Variants in ENTREP2 observed in about 807,000 individuals in gnomAD.
ENTREP2 encodes endosomal transmembrane epsin interactor 2, also known as protein ENTREP2.
At chr15:29,671,559 T>A in the ENTREP2 span, among the ~76,000 whole-genome samples, 20 of 152,108 alleles carry the variant, frequency 1.3e-4, no homozygotes, top group Non-Finnish European at 2.6e-4. Context: ...CGGGAAAAAA[T>A]CCCACATTTG....
the ENTREP2 span, among the ~76,000 whole-genome samples, chr15:29,430,832 C>T: frequency 2.0e-5 from 3 of 152,102 alleles, no homozygotes; most frequent in Admixed American, 6.5e-5. Context: ...CACTCTGAGT[C>T]GGATGGATTG....
chr15:29,549,947 T>C, the ENTREP2 span, among the ~76,000 whole-genome samples: 4 of 151,990 alleles, frequency 2.6e-5, no homozygotes, highest in African/African-American at 9.7e-5. Context: ...ATCCTAAGAA[T>C]GGAAAAGGGA....
chr15:29,257,353 G>T, the ENTREP2 span, among the ~76,000 whole-genome samples: 2 of 152,070 alleles, frequency 1.3e-5, no homozygotes, highest in Admixed American at 6.6e-5. Context: ...GATTACAGGC[G>T]TGAGCCACCG....
the ENTREP2 span, among the ~76,000 whole-genome samples, chr15:29,243,160 T>C: frequency 3.3e-5 from 5 of 152,186 alleles, no homozygotes; most frequent in Non-Finnish European, 7.3e-5. Flanking sequence ...CACACAAATA[T>C]GTGAATACAT....
chr15:29,660,844 G>A, the ENTREP2 span, among the ~76,000 whole-genome samples: 4 of 152,144 alleles, frequency 2.6e-5, no homozygotes, highest in African/African-American at 9.7e-5. Flanking sequence ...TGAAAATACA[G>A]TATTCATGGG....
the ENTREP2 span, among the ~76,000 whole-genome samples, chr15:29,499,907 G>T: frequency 6.6e-6 from 1 of 152,058 alleles, no homozygotes; most frequent in Non-Finnish European, 1.5e-5. Context: ...GAAAGAAAAG[G>T]ATATTTCATG....
the ENTREP2 span, among the ~76,000 whole-genome samples, chr15:29,345,899 G>A: frequency 1.0e-3 from 159 of 152,240 alleles, no homozygotes; most frequent in African/African-American, 3.7e-3. Flanking sequence ...TGATCGCAGC[G>A]GACATTTATT....
chr15:29,158,444 C>T, the ENTREP2 span, among the ~76,000 whole-genome samples: 6 of 141,934 alleles, frequency 4.2e-5, no homozygotes, highest in Admixed American at 7.1e-5. Context: ...CTCACTCTTT[C>T]GCCCAGGCTG....
the ENTREP2 span, among the ~76,000 whole-genome samples, chr15:29,218,864 T>G: frequency 6.6e-6 from 1 of 152,184 alleles, no homozygotes; most frequent in Non-Finnish European, 1.5e-5. Flanking sequence ...ATAAAAATTA[T>G]AGAAGATAAC....
chr15:29,455,005 C>T, the ENTREP2 span, among the ~76,000 whole-genome samples: 1 of 152,296 alleles, frequency 6.6e-6, no homozygotes, highest in South Asian at 2.1e-4. Context: ...AGAGGAAATC[C>T]GTCTCCACCT....
At chr15:29,571,627 G>C in the ENTREP2 span, among the ~76,000 whole-genome samples, 8 of 152,164 alleles carry the variant, frequency 5.3e-5, no homozygotes, top group Non-Finnish European at 8.8e-5. Flanking sequence ...CAAGTTAAAA[G>C]TTTGGGCTTT....
At chr15:29,513,303 C>T in the ENTREP2 span, among the ~76,000 whole-genome samples, 1 of 152,056 alleles carries the variant, frequency 6.6e-6, no homozygotes, top group Non-Finnish European at 1.5e-5. Flanking sequence ...AAGCCAAACA[C>T]AACACAACAC....
the ENTREP2 span, among the ~76,000 whole-genome samples, chr15:29,156,195 T>G: frequency 2.6e-5 from 4 of 152,072 alleles, no homozygotes; most frequent in Non-Finnish European, 5.9e-5. Context: ...TTTTGTTTTG[T>G]TTTGTTTTTG....
chr15:29,402,292 TTGTGTGTG>T, the ENTREP2 span, among the ~76,000 whole-genome samples: 29 of 131,696 alleles, frequency 2.2e-4, no homozygotes, highest in African/African-American at 7.3e-4. Flanking sequence ...GTATATTGTA[TTGTGTGTG>T]TGTGTGTGTG....
At chr15:29,390,146 G>A in the ENTREP2 span, among the ~76,000 whole-genome samples, 1 of 152,178 alleles carries the variant, frequency 6.6e-6, no homozygotes, top group Admixed American at 6.5e-5. Context: ...CAGAGCCTCT[G>A]CTCTGAAACC....
chr15:29,295,330 T>C, the ENTREP2 span, among the ~76,000 whole-genome samples: 7 of 152,178 alleles, frequency 4.6e-5, no homozygotes, highest in Admixed American at 1.3e-4. Flanking sequence ...CCTGCACCTC[T>C]TTCCCACTTG....
the ENTREP2 span, among the ~76,000 whole-genome samples, chr15:29,320,332 G>GA: frequency 6.6e-6 from 1 of 152,130 alleles, no homozygotes; most frequent in Admixed American, 6.5e-5. Flanking sequence ...AAAAACAAGA[G>GA]AAATAGGTGA....
the ENTREP2 span, among the ~76,000 whole-genome samples, chr15:29,354,134 A>T: frequency 6.6e-6 from 1 of 152,328 alleles, no homozygotes; most frequent in South Asian, 2.1e-4. Context: ...TAGAACAAAA[A>T]GGCAGAGGAA....
chr15:29,312,169 CTCTT>C, the ENTREP2 span, among the ~76,000 whole-genome samples: 1 of 152,212 alleles, frequency 6.6e-6, no homozygotes, highest in Non-Finnish European at 1.5e-5. Flanking sequence ...CAAGCACTCA[CTCTT>C]TAACACTGGG....
Sources: allele counts gnomAD v4.1 joint callset (sites outside exome capture counted in the v4.1 genomes callset), GRCh38; gene constraint gnomAD v4.1.1; transcripts MANE v1.5; gene names NCBI Gene and HGNC (gene_info 2026-07-23, HGNC 2026-07-21).